Variants in B3GALT1 observed in about 807,000 individuals in gnomAD.
B3GALT1 encodes beta-1,3-galactosyltransferase 1, also known as UDP-Gal:betaGlcNAc beta 1,3-galactosyltransferase, polypeptide 1.
Under a neutral mutation model 23.2 loss-of-function variants are expected in B3GALT1, and 10 were observed. The observed-to-expected ratio is 0.43, with a 90% CI of 0.27 to 0.73. The LOEUF is 0.73. Among genes scored for constraint, B3GALT1 ranks in the 30% least tolerant of loss-of-function variants. The probability of loss-of-function intolerance (pLI) is 0.21; values close to 1 mark genes in which losing one functional copy is unlikely to be tolerated. For synonymous variants in B3GALT1, 156 were observed against 141.5 expected, an observed-to-expected ratio of 1.10 and a Z score of -0.73; for missense variants, 299 against 405.4, an observed-to-expected ratio of 0.74 and a Z score of 2.25.
At chr2:167,863,568 G>A (rs923355111) in intron 4 of B3GALT1, among the ~76,000 whole-genome samples, 3 of 152,114 alleles carry the variant, frequency 2.0e-5, no homozygotes, top group African/African-American at 7.2e-5. Context: ...ATTACTCAAG[G>A]AGTAACCACA....
chr2:167,436,311 G>A (rs999230089), intron 1 of B3GALT1, among the ~76,000 whole-genome samples: 1 of 152,068 alleles, frequency 6.6e-6, no homozygotes, highest in Non-Finnish European at 1.5e-5. Context: ...CTGCCATGAA[G>A]AGTTCCACCT....
chr2:167,478,108 T>C (rs1574095867), intron 1 of B3GALT1, among the ~76,000 whole-genome samples: 1 of 152,232 alleles, frequency 6.6e-6, no homozygotes, highest in South Asian at 2.1e-4. Context: ...CGTGCCATTA[T>C]AAAGAATTTC....
rs758231595 is a variant in B3GALT1 at position 167,869,813 on chromosome 2, A to C, written c.774A>C (p.Thr258=). The change falls in exon 5 of 5, where the codon ACA becomes ACC. Residue 258 remains threonine (T), a synonymous_variant. Transcript: ENST00000392690. This position sits in a 1 kb window ranked among gnomAD's most constrained non-coding sequence, Gnocchi z 6.4. ...AELIYKTSLH[T]RLLHLEDVYV... ...TCATTTACAAGACCTCACTCCACAC[A>C]AGGCTGCTTCACCTTGAAGACGTAT... The C allele has an allele frequency of 3.1e-6, 5 of 1,613,968 alleles. No individual in the cohort carries two copies. The East Asian group carries it at 1.1e-4, about 36-fold the overall frequency.
At chr2:167,523,005 C>G (rs1490883874) in intron 2 of B3GALT1, among the ~76,000 whole-genome samples, 1 of 152,026 alleles carries the variant, frequency 6.6e-6, no homozygotes, top group Non-Finnish European at 1.5e-5. Context: ...AGTGGTAAAC[C>G]AGTGATTTTC....
chr2:167,359,104 A>C (rs542730565), intron 1 of B3GALT1, among the ~76,000 whole-genome samples: 5 of 152,318 alleles, frequency 3.3e-5, no homozygotes, highest in Middle Eastern at 3.4e-3. Context: ...CTGGCCAAGC[A>C]AAAGTTATTT....
At chr2:167,450,977 A>G (rs1006705102) in intron 1 of B3GALT1, among the ~76,000 whole-genome samples, 1 of 151,948 alleles carries the variant, frequency 6.6e-6, no homozygotes, top group Non-Finnish European at 1.5e-5. Context: ...CTGCTTGTTC[A>G]GTTCTGTTAA....
At chr2:167,367,655 T>G (rs1013630244) in intron 1 of B3GALT1, among the ~76,000 whole-genome samples, 2 of 152,158 alleles carry the variant, frequency 1.3e-5, no homozygotes, top group Non-Finnish European at 1.5e-5. Flanking sequence ...ACTTTACATC[T>G]GGGAAAGGCA....
At position 167,860,631 on chromosome 2, in the gene B3GALT1, A is replaced by G. The variant is rs1438352344; in HGVS notation, c.-229-8180A>G. Among the ~76,000 whole-genome samples, 3 of 152,314 alleles carry G rather than the reference A, an allele frequency of 2.0e-5. No individual in the cohort carries two copies. The South Asian group carries it at 6.2e-4, about 32-fold the overall frequency. On this transcript the variant is annotated intron_variant, in intron 4 of 4. Coordinates refer to ENST00000392690, the MANE Select transcript of B3GALT1 (RefSeq NM_020981.4). ...ATTCTGAGTACTAGTTTGAGATAGT[A>G]TAAGATGTAGTAGTATTTTGCAGTG...
intron 2 of B3GALT1, among the ~76,000 whole-genome samples, chr2:167,566,272 G>A (rs868546061): frequency 3.6e-4 from 55 of 151,326 alleles, no homozygotes; most frequent in African/African-American, 1.0e-3. Flanking sequence ...AACACCGCAT[G>A]TTCTCACTCA....
chr2:167,729,693 A>G (rs376863595), intron 3 of B3GALT1, among the ~76,000 whole-genome samples: 3 of 152,150 alleles, frequency 2.0e-5, no homozygotes, highest in Admixed American at 6.6e-5. Flanking sequence ...TCTATCAATC[A>G]TCACATCCAT....
In B3GALT1 at chr2:167,528,982, T is replaced by A. The variant is rs73026004; in HGVS notation, c.-410+38705T>A. Among the ~76,000 whole-genome samples the A allele has an allele frequency of 2.8e-3, 428 of 152,184 alleles. 1 individual carries two copies. Among genetic ancestry groups the A allele is most frequent in the African/African-American group, 0.01 (419 of 41,520 alleles). ...GCTTCCTGTTATCTCCCTTTGTGTA[T>A]TGATCCCGTTTCAATAGTATTTTCC... On this transcript the variant is annotated intron_variant, in intron 2 of 4. Coordinates refer to ENST00000392690, the MANE Select transcript of B3GALT1 (RefSeq NM_020981.4).
At chr2:167,684,341 T>C (rs1686582088) in intron 3 of B3GALT1, among the ~76,000 whole-genome samples, 1 of 152,254 alleles carries the variant, frequency 6.6e-6, no homozygotes, top group Non-Finnish European at 1.5e-5. Flanking sequence ...CCTGTTTTCT[T>C]CCCTCCAAGC....
intron 3 of B3GALT1, chr2:167,716,062 C>G (rs1687139996): frequency 3.2e-6 from 5 of 1,582,078 alleles, no homozygotes; most frequent in Middle Eastern, 2.2e-4. Flanking sequence ...CCGGGCTCCT[C>G]CATAGCGCCA....
At chr2:167,424,703 A>G (rs188734374) in intron 1 of B3GALT1, among the ~76,000 whole-genome samples, 18 of 152,330 alleles carry the variant, frequency 1.2e-4, no homozygotes, top group African/African-American at 4.3e-4. Context: ...TCATATTTCT[A>G]TAACTGACAA....
At chr2:167,456,756 G>T (rs923128717) in intron 1 of B3GALT1, among the ~76,000 whole-genome samples, 14 of 152,094 alleles carry the variant, frequency 9.2e-5, no homozygotes, top group Non-Finnish European at 2.1e-4. Context: ...CATTCATTAG[G>T]GATATGGGTG....
intron 3 of B3GALT1, among the ~76,000 whole-genome samples, chr2:167,764,299 CCTT>C (rs1457509411): frequency 6.6e-6 from 1 of 152,138 alleles, no homozygotes; most frequent in Non-Finnish European, 1.5e-5. Context: ...GGTTTACAGT[CCTT>C]CTCATTTTTT....
At chr2:167,570,075 T>C (rs1254486680) in intron 2 of B3GALT1, among the ~76,000 whole-genome samples, 1 of 151,902 alleles carries the variant, frequency 6.6e-6, no homozygotes, top group Admixed American at 6.6e-5. Flanking sequence ...TTGCTAATAT[T>C]TTGTTGATAA....
intron 3 of B3GALT1, among the ~76,000 whole-genome samples, chr2:167,745,235 A>T (rs978235225): frequency 1.5e-4 from 19 of 128,796 alleles, no homozygotes; most frequent in African/African-American, 4.7e-4. Context: ...TTCTAAAACC[A>T]TACAAAACCT....
chr2:167,828,634 A>C (rs1209708778), intron 4 of B3GALT1, among the ~76,000 whole-genome samples: 3 of 152,214 alleles, frequency 2.0e-5, no homozygotes, highest in Admixed American at 1.3e-4. Flanking sequence ...GACAAACCTG[A>C]ATGTGCTCTC....
Sources: allele counts gnomAD v4.1 joint callset (sites outside exome capture counted in the v4.1 genomes callset), GRCh38; gene constraint gnomAD v4.1.1; non-coding constraint Gnocchi (gnomAD v3.1); transcripts MANE v1.5; gene names NCBI Gene and HGNC (gene_info 2026-07-23, HGNC 2026-07-21).